Variants in PLEKHA6 observed in about 807,000 individuals in gnomAD.
PLEKHA6 encodes the protein pleckstrin homology domain containing A6, also known as pleckstrin homology domain-containing family A member 6.
Under a neutral mutation model 116.7 loss-of-function variants are expected in PLEKHA6, and 60 were observed. The ratio of observed to expected loss-of-function variants is 0.51; its 90% CI spans 0.42 to 0.64. The LOEUF (loss-of-function observed/expected upper bound fraction) is 0.64, where lower values mean the gene tolerates loss of function less well. Ranked by LOEUF, PLEKHA6 falls within the 30% of genes least tolerant of loss-of-function variation. PLEKHA6 has a pLI of 0.00. For missense variants in PLEKHA6, 1,338 were observed against 1,422.7 expected, an observed-to-expected ratio of 0.94 and a Z score of 0.96; for synonymous variants, 489 against 556.1, an observed-to-expected ratio of 0.88 and a Z score of 1.70.
intron 1 of PLEKHA6, among the ~76,000 whole-genome samples, chr1:204,372,351 C>G (rs1251772480): frequency 6.6e-6 from 1 of 152,112 alleles, no homozygotes; most frequent in Non-Finnish European, 1.5e-5. Flanking sequence ...GATTGGATGG[C>G]AGATGAAGCC....
chr1:204,285,997 G>A (rs1469720769), intron 1 of PLEKHA6, among the ~76,000 whole-genome samples: 6 of 152,150 alleles, frequency 3.9e-5, no homozygotes, highest in Admixed American at 3.9e-4. Context: ...TGGCATGGAG[G>A]AGGACAGGGT....
rs116155233 is a variant in PLEKHA6 at position 204,346,622 on chromosome 1, C to A, written c.-95+13072G>T. 5.9e-3 allele frequency among the ~76,000 whole-genome samples: 895 copies of A among 152,304 alleles called. 8 individuals are homozygous for A. The highest frequency in any genetic ancestry group is 0.02 in the African/African-American group (848 of 41,554). On this transcript the variant is annotated intron_variant, in intron 1 of 22. Coordinates refer to ENST00000272203, the MANE Select transcript of PLEKHA6 (RefSeq NM_014935.5). ...ATGGAAACATCCATAAATTCTAATT[C>A]TGATTCCTCCCTCACTTCCCAATGT...
chr1:204,275,712 T>G (rs1278909825), intron 1 of PLEKHA6: 5 of 984,826 alleles, frequency 5.1e-6, no homozygotes, highest in Non-Finnish European at 6.0e-6. Context: ...GATGCAGCGG[T>G]CTAAGCCATA....
intron 1 of PLEKHA6, among the ~76,000 whole-genome samples, chr1:204,300,255 A>G (rs4584453): frequency 0.21 from 32,604 of 151,950 alleles, 3,806 homozygotes; most frequent in South Asian, 0.29. Context: ...TCTCAAGCTT[A>G]CCCAGGGCTC....
intron 1 of PLEKHA6, chr1:204,275,817 G>T: frequency 1.9e-6 from 1 of 527,630 alleles, no homozygotes; most frequent in Non-Finnish European, 2.4e-6. Flanking sequence ...GGGACTAGAT[G>T]AGTTAAGGGC....
chr1:204,224,794 A>T (rs1660108197), intron 21 of PLEKHA6, among the ~76,000 whole-genome samples: 1 of 152,220 alleles, frequency 6.6e-6, no homozygotes, highest in South Asian at 2.1e-4. Context: ...ACTCACAAAC[A>T]CTTTCAAACA....
At chr1:204,233,365 G>C (rs1292149082) in intron 17 of PLEKHA6, among the ~76,000 whole-genome samples, 2 of 136,784 alleles carry the variant, frequency 1.5e-5, no homozygotes, top group African/African-American at 5.5e-5. Flanking sequence ...TTTTGAGATG[G>C]AGTCTCACTC....
chr1:204,245,842 C>T (rs1055542710), intron 13 of PLEKHA6, 116 bp from the exon 14 acceptor site: 1 of 641,306 alleles, frequency 1.6e-6, no homozygotes, highest in Non-Finnish European at 2.8e-6. Flanking sequence ...GGCAGGCACC[C>T]TGTGTACACA....
At chr1:204,267,221 C>T (rs1247600408) in intron 5 of PLEKHA6, among the ~76,000 whole-genome samples, 2 of 152,214 alleles carry the variant, frequency 1.3e-5, no homozygotes, top group African/African-American at 4.8e-5. Flanking sequence ...ACCTTGTTCA[C>T]CCAGTGTATC....
intron 5 of PLEKHA6, among the ~76,000 whole-genome samples, chr1:204,266,913 G>T (rs1188222789): frequency 6.6e-6 from 1 of 152,196 alleles, no homozygotes; most frequent in African/African-American, 2.4e-5. Context: ...AGAGAGTAGG[G>T]AGAGGGTGTT....
intron 3 of PLEKHA6, among the ~76,000 whole-genome samples, chr1:204,272,287 C>T (rs1356217387): frequency 6.6e-6 from 1 of 152,158 alleles, no homozygotes; most frequent in African/African-American, 2.4e-5. Flanking sequence ...TCCAGTCTAA[C>T]AGCACCTCTG....
intron 1 of PLEKHA6, chr1:204,280,410 G>C: frequency 1.0e-6 from 1 of 985,206 alleles, no homozygotes. Flanking sequence ...AATATTGAAC[G>C]ACTGGAGAAA....
chr1:204,338,178 G>A (rs1672719751), intron 1 of PLEKHA6, among the ~76,000 whole-genome samples: 2 of 152,154 alleles, frequency 1.3e-5, no homozygotes, highest in African/African-American at 4.8e-5. Flanking sequence ...CTGTGCACAT[G>A]TTACCTAACA....
chr1:204,336,994 G>A (rs1443501785), intron 1 of PLEKHA6, among the ~76,000 whole-genome samples: 1 of 152,248 alleles, frequency 6.6e-6, no homozygotes, highest in Non-Finnish European at 1.5e-5. Context: ...AAAGAAAGAA[G>A]AGCCTGAAGG....
chr1:204,283,841 G>C (rs926922937), intron 1 of PLEKHA6, among the ~76,000 whole-genome samples: 1 of 152,236 alleles, frequency 6.6e-6, no homozygotes, highest in African/African-American at 2.4e-5. Context: ...CTGCCTGGAT[G>C]TAGGGGCATG....
At chr1:204,232,822 C>T (rs1661384005) in intron 17 of PLEKHA6, among the ~76,000 whole-genome samples, 1 of 152,062 alleles carries the variant, frequency 6.6e-6, no homozygotes, top group Non-Finnish European at 1.5e-5. Flanking sequence ...GGGGAGTGAG[C>T]CACAGAGGAT....
rs1485725746 is a variant in PLEKHA6, at chr1:204,257,583, C to A, written c.1294G>T (p.Val432Phe). 2.2e-5 allele frequency: 35 copies of A among 1,608,240 alleles called. No individual in the cohort carries two copies. Among genetic ancestry groups the A allele is most frequent in the Non-Finnish European group, 2.9e-5 (34 of 1,177,342 alleles). Residue 432 changes from valine to phenylalanine, a missense_variant, in exon 9 of 23, where the codon GTC becomes TTC. Around this residue, in one of 3 missense-constraint regions of PLEKHA6, gnomAD observed 1,136 missense variants for 1,163.6 expected, o/e 0.98. Transcript: ENST00000272203. This position sits in a 1 kb window ranked among gnomAD's most constrained non-coding sequence, Gnocchi z 6.5. The stretch of plus-strand genomic sequence containing the variant: ...GCGGCATCCAGCTCATCATAATAGA[C>A]TGGCTGCCGGGAGGGGCTTGGGATC... ...VWIPSPSRQP[V>F]YYDELDAASS...
At chr1:204,359,215 T>C (rs1673499182) in intron 1 of PLEKHA6, among the ~76,000 whole-genome samples, 1 of 151,910 alleles carries the variant, frequency 6.6e-6, no homozygotes. Context: ...AACCTCTGAC[T>C]CATAAGAATG....
rs1403915050 is a variant in PLEKHA6, at chr1:204,261,199, G to A, written c.524+107C>T. ...AGGAGACGGCTCACACATTCTCCAG[G>A]GCTTCAAGTAGGCACACTGGGATTA... On this transcript the variant is annotated intron_variant, in intron 7 of 22. Transcript: ENST00000272203. This position sits in a 1 kb window ranked among gnomAD's most constrained non-coding sequence, Gnocchi z 4.0. 1 of 1,339,026 alleles carries A rather than the reference G, an allele frequency of 7.5e-7. No individual in the cohort carries two copies. The highest frequency in any genetic ancestry group is 1.1e-6 in the Non-Finnish European group (1 of 935,376). 82.9% of individuals were successfully genotyped at this position (1,339,026 alleles called of 1,614,324 possible).
Sources: allele counts gnomAD v4.1 joint callset (sites outside exome capture counted in the v4.1 genomes callset), GRCh38; gene constraint gnomAD v4.1.1; regional missense constraint gnomAD v4.1.1; non-coding constraint Gnocchi (gnomAD v3.1); transcripts MANE v1.5; gene names NCBI Gene and HGNC (gene_info 2026-07-23, HGNC 2026-07-21).